TSGA10: variants seen among roughly 807,000 people sequenced by gnomAD.
The protein encoded by TSGA10 is testis-specific gene 10 protein.
TSGA10 carries 43 observed loss-of-function variants against 96.6 expected under a neutral mutation model. The ratio of observed to expected loss-of-function variants is 0.44; its 90% CI spans 0.35 to 0.57. The LOEUF is 0.57. Ranked by LOEUF, TSGA10 falls within the 20% of genes least tolerant of loss-of-function variation. The pLI is 0.01. For missense variants in TSGA10, 703 were observed against 834.4 expected (o/e 0.84, Z 1.94); for synonymous variants, 229 against 269.9 (o/e 0.85, Z 1.48).
At chr2:99,051,517 A>C (rs2083390911) in intron 16 of TSGA10, among the ~76,000 whole-genome samples, 1 of 152,172 alleles carries the variant, frequency 6.6e-6, no homozygotes. Flanking sequence ...GGAAAATGAT[A>C]AAATTCAATG....
At chr2:99,067,971 T>C (rs2085463579) in intron 15 of TSGA10, among the ~76,000 whole-genome samples, 1 of 152,166 alleles carries the variant, frequency 6.6e-6, no homozygotes, top group Non-Finnish European at 1.5e-5. Context: ...TCTTCCCGAT[T>C]ACAGATGGGA....
At chr2:99,024,752 C>A (rs1407600650) in intron 17 of TSGA10, among the ~76,000 whole-genome samples, 2 of 152,156 alleles carry the variant, frequency 1.3e-5, no homozygotes, top group African/African-American at 2.4e-5. Flanking sequence ...CATTCAATCA[C>A]CACTAAGTAC....
intron 12 of TSGA10, among the ~76,000 whole-genome samples, chr2:99,074,922 C>T (rs767569897): frequency 3.3e-4 from 50 of 151,182 alleles, no homozygotes; most frequent in Non-Finnish European, 6.0e-4. Context: ...TGTGTCACTG[C>T]ACTCCAACCT....
rs1478228497 is a variant in TSGA10, at chr2:99,061,674, G to A, written c.1404+3265C>T. Among the ~76,000 whole-genome samples, 2 of 152,112 alleles carry A rather than the reference G, an allele frequency of 1.3e-5. 1 individual carries two copies. The highest frequency in any genetic ancestry group is 4.8e-5 in the African/African-American group (2 of 41,500). ...AAGAAAAATGAAAACTTACATGAACGCAAAGACTTGAACACAATGTTCACA... is the reference window on the plus strand; with the variant it reads ...AAGAAAAATGAAAACTTACATGAACACAAAGACTTGAACACAATGTTCACA... On this transcript the variant is annotated intron_variant, in intron 16 of 20. Coordinates refer to ENST00000393483, the MANE Select transcript of TSGA10 (RefSeq NM_025244.4).
intron 14 of TSGA10, among the ~76,000 whole-genome samples, chr2:99,069,369 A>C (rs960823187): frequency 1.3e-5 from 2 of 152,124 alleles, no homozygotes; most frequent in Non-Finnish European, 2.9e-5. Context: ...GCAGAAAGCA[A>C]ATCTGTGATC....
chr2:99,071,376 ATT>A (rs200051612), intron 14 of TSGA10, among the ~76,000 whole-genome samples: 2 of 128,568 alleles, frequency 1.6e-5, no homozygotes, highest in African/African-American at 3.5e-5. Flanking sequence ...TATGTAGTCC[ATT>A]TTTTTAAAAA....
rs530978635 is a variant in TSGA10 at position 99,014,284 on chromosome 2, G to A, written c.2072+3916C>T. The stretch of plus-strand genomic sequence containing the variant: ...TGAGGAGCAGAGGTTGCAGTGAGCC[G>A]AGATCATGCCACTGCACTCCAGCCT... On this transcript the variant is annotated intron_variant, in intron 20 of 20. Coordinates refer to ENST00000393483, the MANE Select transcript of TSGA10 (RefSeq NM_025244.4). Among the ~76,000 whole-genome samples the A allele has an allele frequency of 4.6e-5, 7 of 152,264 alleles. No homozygotes were observed. The South Asian group carries it at 1.2e-3, about 27-fold the overall frequency.
At chr2:99,113,578 CTT>C (rs762952779) in intron 4 of TSGA10, among the ~76,000 whole-genome samples, 10 of 152,294 alleles carry the variant, frequency 6.6e-5, no homozygotes, top group East Asian at 1.9e-4. Flanking sequence ...TCGAGTCTCT[CTT>C]TGTCATCCAG....
chr2:99,074,663 G>C (rs1025158273), intron 12 of TSGA10, among the ~76,000 whole-genome samples: 2 of 152,080 alleles, frequency 1.3e-5, no homozygotes, highest in African/African-American at 4.8e-5. Flanking sequence ...TAGTGCTTTT[G>C]AAAGTCTTTA....
chr2:99,004,176 G>A (rs2104810422), intron 20 of TSGA10, among the ~76,000 whole-genome samples: 1 of 152,324 alleles, frequency 6.6e-6, no homozygotes, highest in South Asian at 2.1e-4. Flanking sequence ...ACACCTCTAT[G>A]CAAATAAACT....
At chr2:99,147,462 C>T (rs1292127041) in intron 1 of TSGA10, 1 of 1,613,918 alleles carries the variant, frequency 6.2e-7, no homozygotes, top group Non-Finnish European at 8.5e-7. Context: ...GACTTGTTCA[C>T]CCTTCATGTC....
chr2:99,091,800 T>C (rs1035677453), intron 10 of TSGA10, among the ~76,000 whole-genome samples: 2 of 152,072 alleles, frequency 1.3e-5, no homozygotes, highest in Non-Finnish European at 2.9e-5. Context: ...ATAATTGACA[T>C]AGACAGAAGC....
At chr2:99,089,233 C>T (rs1269509482) in intron 10 of TSGA10, among the ~76,000 whole-genome samples, 1 of 152,104 alleles carries the variant, frequency 6.6e-6, no homozygotes, top group African/African-American at 2.4e-5. Flanking sequence ...GAGTAAGCAG[C>T]GGGAAGAGCC....
chr2:99,150,813 A>G, intron 1 of TSGA10: 1 of 1,592,468 alleles, frequency 6.3e-7, no homozygotes, highest in South Asian at 1.2e-5. Flanking sequence ...GTGATGGACT[A>G]GAAATGACAG....
intron 11 of TSGA10, among the ~76,000 whole-genome samples, chr2:99,079,469 T>C (rs1000302937): frequency 2.0e-5 from 3 of 152,190 alleles, no homozygotes; most frequent in Non-Finnish European, 4.4e-5. Flanking sequence ...CTGGGAAATG[T>C]ACATTCTTAT....
At chr2:99,015,065 G>A (rs2079382711) in intron 20 of TSGA10, among the ~76,000 whole-genome samples, 1 of 152,176 alleles carries the variant, frequency 6.6e-6, no homozygotes, top group Non-Finnish European at 1.5e-5. Context: ...GACAGTCAAA[G>A]AAGAATTGGA....
At chr2:99,107,950 T>C (rs1259467248) in intron 7 of TSGA10, among the ~76,000 whole-genome samples, 1 of 152,150 alleles carries the variant, frequency 6.6e-6, no homozygotes, top group African/African-American at 2.4e-5. Context: ...TAAACCAATT[T>C]ATTTATCTGC....
intron 20 of TSGA10, among the ~76,000 whole-genome samples, chr2:98,999,317 A>G (rs947274445): frequency 1.3e-5 from 2 of 152,204 alleles, no homozygotes. Flanking sequence ...AATCTGAAAT[A>G]TATTATGCTG....
chr2:99,109,341 G>A (rs373224845), intron 6 of TSGA10, 48 bp downstream of exon 6: 2 of 1,566,430 alleles, frequency 1.3e-6, no homozygotes, highest in South Asian at 2.2e-5. Flanking sequence ...ATAAAAGCCA[G>A]TGTCTGGGCA....
Sources: gnomAD v4.1 joint callset for allele counts (sites outside exome capture counted in the v4.1 genomes callset) on GRCh38, gnomAD v4.1.1 for gene constraint, MANE v1.5 for transcripts, NCBI Gene and HGNC (gene_info 2026-07-23, HGNC 2026-07-21) for gene names.